Variants in MPRIP observed in about 807,000 individuals in gnomAD.
The protein encoded by MPRIP is myosin phosphatase Rho interacting protein, also known as myosin phosphatase Rho-interacting protein.
MPRIP carries 59 observed loss-of-function variants against 234.9 expected under a neutral mutation model. That is an observed-to-expected ratio of 0.25 (90% confidence interval 0.20 to 0.31). The LOEUF (loss-of-function observed/expected upper bound fraction) is 0.31, where lower values mean the gene tolerates loss of function less well. Among genes scored for constraint, MPRIP ranks in the 10% least tolerant of loss-of-function variants. The probability of loss-of-function intolerance (pLI) is 1.00; values close to 1 mark genes in which losing one functional copy is unlikely to be tolerated. For synonymous variants in MPRIP, 1,144 were observed against 1,263.9 expected (o/e 0.91, Z 2.01); for missense variants, 2,436 against 3,071.0 (o/e 0.79, Z 4.89).
At chr17:17,163,631 C>T (rs1457657491) in intron 15 of MPRIP, among the ~76,000 whole-genome samples, 1 of 152,038 alleles carries the variant, frequency 6.6e-6, no homozygotes, top group African/African-American at 2.4e-5. Flanking sequence ...CCTTCCTTCT[C>T]CTCCTGTCTT....
In MPRIP at chr17:17,091,868, C is replaced by T. The variant is rs117018336; in HGVS notation, c.267+13792C>T. Among the ~76,000 whole-genome samples the T allele has an allele frequency of 8.7e-3, 1,326 of 152,290 alleles. 12 individuals carry two copies. Among genetic ancestry groups the T allele is most frequent in the Middle Eastern group, 0.037 (11 of 294 alleles). ...AGAAGAGAATACTATTTGTGCTCCA[C>T]GAGAAAAGATTAGGAAAACAGCCCC... is the stretch of plus-strand genomic sequence containing the variant. On this transcript the variant is annotated intron_variant, in intron 3 of 23. Transcript: ENST00000651222.
intron 7 of MPRIP, among the ~76,000 whole-genome samples, chr17:17,140,592 T>C (rs2090792051): frequency 1.3e-5 from 2 of 152,140 alleles, no homozygotes; most frequent in African/African-American, 2.4e-5. Flanking sequence ...CTACCTGAAA[T>C]GGCAGCCACA....
chr17:17,131,731 C>T (rs1360888344), intron 5 of MPRIP, 30 bp downstream of exon 5: 8 of 1,599,768 alleles, frequency 5.0e-6, no homozygotes, highest in Non-Finnish European at 6.0e-6. Context: ...GATGGCATCC[C>T]CTCAGTGGAG....
intron 1 of MPRIP, among the ~76,000 whole-genome samples, chr17:17,049,434 T>G (rs1005449202): frequency 1.3e-5 from 2 of 152,186 alleles, no homozygotes; most frequent in Non-Finnish European, 2.9e-5. Flanking sequence ...CAAGAATCGC[T>G]CTCTCACACA....
At chr17:17,075,971 T>A (rs1249764388) in intron 2 of MPRIP, 184 bp downstream of exon 2, 1 of 587,232 alleles carries the variant, frequency 1.7e-6, no homozygotes, top group African/African-American at 1.9e-5. Flanking sequence ...TATACATAGT[T>A]GTGTGTAGTG....
Position 17,165,572 on chromosome 17 carries a change from C to T in MPRIP, c.3981C>T (p.Ile1327=). The change falls in exon 16 of 24, where the codon ATC becomes ATT. Residue 1327 remains isoleucine (I), a synonymous_variant. Coordinates refer to ENST00000651222, the MANE Select transcript of MPRIP (RefSeq NM_001364716.4). The part of the protein sequence containing the change: ...VKRQRIRFST[I]QCQRYIHPEG... ...GGCAAAGAATCCGGTTCTCCACAAT[C>T]CAGTGCCAAAGATACATTCACCCCG... The T allele has an allele frequency of 7.7e-7, 1 of 1,304,732 alleles. No individual in the cohort carries two copies. Among genetic ancestry groups the T allele is most frequent in the Non-Finnish European group, 1.0e-6 (1 of 989,024 alleles). The allele number at this position is 1,304,732 out of a possible 1,614,324, so 80.8% of individuals were successfully genotyped here.
chr17:17,080,513 T>A (rs2089437485), intron 3 of MPRIP, among the ~76,000 whole-genome samples: 1 of 152,200 alleles, frequency 6.6e-6, no homozygotes, highest in Non-Finnish European at 1.5e-5. Context: ...TGCCTGGAAA[T>A]AGACCAGTGG....
intron 3 of MPRIP, among the ~76,000 whole-genome samples, chr17:17,109,502 T>C (rs1204575109): frequency 6.6e-6 from 1 of 152,248 alleles, no homozygotes; most frequent in East Asian, 1.9e-4. Flanking sequence ...GAGGCTAGAC[T>C]GATCCACGGA....
intron 22 of MPRIP, among the ~76,000 whole-genome samples, chr17:17,178,259 T>G (rs1472397228): frequency 1.3e-5 from 2 of 152,160 alleles, no homozygotes; most frequent in South Asian, 2.1e-4. Context: ...TCATCTTGAT[T>G]TTTTATACAG....
At chr17:17,133,352 G>T (rs1316232069) in intron 5 of MPRIP, among the ~76,000 whole-genome samples, 4 of 152,190 alleles carry the variant, frequency 2.6e-5, no homozygotes, top group African/African-American at 9.7e-5. Flanking sequence ...CCATCTCTTT[G>T]TCAAGTCAGT....
intron 1 of MPRIP, among the ~76,000 whole-genome samples, chr17:17,048,535 A>G (rs1454315726): frequency 1.3e-5 from 2 of 152,174 alleles, no homozygotes; most frequent in African/African-American, 4.8e-5. Flanking sequence ...GAGCGTGTCA[A>G]AAATCTCAGA....
intron 15 of MPRIP, among the ~76,000 whole-genome samples, chr17:17,162,048 C>A (rs116811366): frequency 1.3e-5 from 2 of 152,210 alleles, no homozygotes; most frequent in African/African-American, 4.8e-5. Context: ...ATACTCTTGT[C>A]CCCATTGAGT....
chr17:17,176,969 A>C (rs2046268219), intron 21 of MPRIP, among the ~76,000 whole-genome samples: 1 of 152,204 alleles, frequency 6.6e-6, no homozygotes, highest in Non-Finnish European at 1.5e-5. Flanking sequence ...CTGGGCACTC[A>C]GGGCCACACC....
intron 1 of MPRIP, among the ~76,000 whole-genome samples, chr17:17,061,629 C>G (rs1186122247): frequency 2.0e-5 from 3 of 152,226 alleles, no homozygotes; most frequent in African/African-American, 4.8e-5. Context: ...GTTGGGGCAT[C>G]AGCCCCTACA....
At chr17:17,075,174 A>G (rs1399291649) in intron 1 of MPRIP, among the ~76,000 whole-genome samples, 1 of 151,974 alleles carries the variant, frequency 6.6e-6, no homozygotes, top group Non-Finnish European at 1.5e-5. Flanking sequence ...AATTGTCATC[A>G]CTCTCACTTT....
intron 1 of MPRIP, among the ~76,000 whole-genome samples, chr17:17,074,736 A>C (rs541563582): frequency 6.6e-6 from 1 of 152,186 alleles, no homozygotes; most frequent in East Asian, 1.9e-4. Flanking sequence ...ATTCTGTAAT[A>C]TGTGGGCTTT....
chr17:17,062,375 A>T (rs1056167840), intron 1 of MPRIP, among the ~76,000 whole-genome samples: 1 of 152,228 alleles, frequency 6.6e-6, no homozygotes, highest in Non-Finnish European at 1.5e-5. Flanking sequence ...AAATCAAGCA[A>T]AAGCCCCCAA....
intron 1 of MPRIP, among the ~76,000 whole-genome samples, chr17:17,074,055 C>G (rs910835721): frequency 6.6e-6 from 1 of 152,224 alleles, no homozygotes; most frequent in African/African-American, 2.4e-5. Context: ...AGCCTGGAGG[C>G]TGTGTGGCCT....
chr17:17,159,975 A>G (rs1465410949), intron 14 of MPRIP, among the ~76,000 whole-genome samples: 1 of 152,256 alleles, frequency 6.6e-6, no homozygotes, highest in Non-Finnish European at 1.5e-5. Context: ...ATGAAATAAA[A>G]TAACAGTTGA....
Sources: gnomAD v4.1 joint callset for allele counts (sites outside exome capture counted in the v4.1 genomes callset) on GRCh38, gnomAD v4.1.1 for gene constraint, MANE v1.5 for transcripts, NCBI Gene and HGNC (gene_info 2026-07-23, HGNC 2026-07-21) for gene names.